Variants in DNAH12 observed in about 807,000 individuals in gnomAD.
DNAH12 encodes the protein axonemal beta dynein heavy chain 12.
DNAH12 carries 285 observed loss-of-function variants against 371.5 expected under a neutral mutation model. The observed-to-expected ratio is 0.77, with a 90% CI of 0.70 to 0.85. The LOEUF is 0.85. Among genes scored for constraint, DNAH12 ranks in the 40% least tolerant of loss-of-function variants. DNAH12 has a pLI of 0.00. For synonymous variants in DNAH12, 1,200 were observed against 1,213.0 expected, an observed-to-expected ratio of 0.99 and a Z score of 0.22; for missense variants, 3,611 against 3,689.4, an observed-to-expected ratio of 0.98 and a Z score of 0.55.
intron 62 of DNAH12, among the ~76,000 whole-genome samples, chr3:57,326,895 G>C (rs1159617274): frequency 4.6e-5 from 7 of 152,114 alleles, no homozygotes; most frequent in Non-Finnish European, 8.8e-5. Context: ...ACAAAAAAAG[G>C]CAGGGGTTCC....
intron 2 of DNAH12, among the ~76,000 whole-genome samples, chr3:57,530,075 T>G (rs1235545896): frequency 1.3e-5 from 2 of 152,110 alleles, no homozygotes; most frequent in Admixed American, 1.3e-4. Flanking sequence ...TTTCTAGTTT[T>G]ATTCCATTGT....
intron 2 of DNAH12, among the ~76,000 whole-genome samples, chr3:57,527,969 G>T (rs1227451175): frequency 6.6e-6 from 1 of 152,120 alleles, no homozygotes; most frequent in Admixed American, 6.6e-5. Context: ...ATATTCTGGA[G>T]AGTTTCACCC....
At position 57,446,072 on chromosome 3, in the gene DNAH12, G is replaced by C. The variant is rs2065484856; in HGVS notation, c.4138C>G (p.Pro1380Ala). 1.3e-6 allele frequency: 2 copies of C among 1,551,636 alleles called. No homozygotes were observed. The change falls in exon 27 of 74, where the codon CCT becomes GCT. Residue 1380 changes from proline to alanine, a missense_variant. Pro to Ala is a conservative substitution (Grantham distance 27). Around this residue, in one of 3 missense-constraint regions of DNAH12, gnomAD observed 2,266 missense variants for 2,236.9 expected, o/e 1.01. Coordinates refer to ENST00000495027, the MANE Select transcript of DNAH12 (RefSeq NM_001366028.2). ...AATTCAGAGCGTCCTGCATAGCCAGGATTCATGGTAATAGCTACAAAACAA... is the reference window on the plus strand; with the variant it reads ...AATTCAGAGCGTCCTGCATAGCCAGCATTCATGGTAATAGCTACAAAACAA... ...PNCFVAITMN[P>A]GYAGRSELPD...
intron 29 of DNAH12, among the ~76,000 whole-genome samples, chr3:57,440,120 A>T (rs1227625249): frequency 6.6e-6 from 1 of 152,182 alleles, no homozygotes; most frequent in Admixed American, 6.5e-5. Flanking sequence ...CAGTTTAGAG[A>T]TTTCTCAAAA....
At chr3:57,412,250 T>TA (rs375025732) in intron 39 of DNAH12, among the ~76,000 whole-genome samples, 160 of 152,208 alleles carry the variant, frequency 1.1e-3, no homozygotes, top group African/African-American at 3.7e-3. Flanking sequence ...CAACTGGACA[T>TA]ACACGTGTAA....
chr3:57,350,940 T>C (rs1200114485), intron 60 of DNAH12, among the ~76,000 whole-genome samples: 3 of 152,124 alleles, frequency 2.0e-5, no homozygotes, highest in African/African-American at 7.2e-5. Flanking sequence ...ATAATATGTA[T>C]CACATACCAA....
rs370406326 is a variant in DNAH12, at chr3:57,446,112, A to C, written c.4098T>G (p.Leu1366=). The C allele has an allele frequency of 2.6e-6, 4 of 1,551,602 alleles. No individual in the cohort carries two copies. The African/African-American group carries it at 5.5e-5, about 21-fold the overall frequency. The change falls in exon 27 of 74, where the codon CTT becomes CTG. Residue 1366 remains leucine, a synonymous_variant. Transcript: ENST00000495027. ...LVVFVFEGTE[L]KLNPNCFVAI... is the part of the protein sequence containing the mutation. ...CTACAAAACAATTCGGATTGAGCTTAAGTTCTGTCCCTTCAAAAACAAACA... is the reference window on the plus strand; with the variant it reads ...CTACAAAACAATTCGGATTGAGCTTCAGTTCTGTCCCTTCAAAAACAAACA...
chr3:57,421,029 T>C (rs575879688), intron 36 of DNAH12, among the ~76,000 whole-genome samples: 173 of 152,170 alleles, frequency 1.1e-3, no homozygotes, highest in African/African-American at 3.8e-3. Flanking sequence ...TGAAACTCTC[T>C]TTCTGGCCAG....
At chr3:57,444,885 TCCCAGCCC>T (rs2065430208) in intron 28 of DNAH12, 69 bp from the exon 29 acceptor site, 58 of 1,233,028 alleles carry the variant, frequency 4.7e-5, no homozygotes, top group Non-Finnish European at 5.8e-5. Flanking sequence ...CTCCCTCCCC[TCCCAGCCC>T]CGGCCTGCCC....
intron 36 of DNAH12, among the ~76,000 whole-genome samples, chr3:57,420,692 G>A (rs544305907): frequency 1.3e-5 from 2 of 151,852 alleles, no homozygotes; most frequent in Non-Finnish European, 2.9e-5. Flanking sequence ...GGTGGATCAC[G>A]AGGTCAGGAG....
At chr3:57,344,709 T>C (rs906672815) in intron 60 of DNAH12, among the ~76,000 whole-genome samples, 1 of 152,196 alleles carries the variant, frequency 6.6e-6, no homozygotes, top group Non-Finnish European at 1.5e-5. Flanking sequence ...AAACACCACA[T>C]GTTCTCACTT....
intron 65 of DNAH12, among the ~76,000 whole-genome samples, chr3:57,317,954 T>TG (rs2061722881): frequency 6.6e-6 from 1 of 152,198 alleles, no homozygotes; most frequent in Admixed American, 6.5e-5. Flanking sequence ...GTTGGCCATT[T>TG]GTATGTCTTC....
chr3:57,519,646 A>G (rs2068335064), intron 4 of DNAH12: 1 of 1,362,032 alleles, frequency 7.3e-7, no homozygotes, highest in African/African-American at 1.4e-5. Flanking sequence ...GAACAACTGC[A>G]CTAAGAAGCC....
chr3:57,473,274 G>T (rs1175974972), intron 13 of DNAH12, among the ~76,000 whole-genome samples: 1 of 152,074 alleles, frequency 6.6e-6, no homozygotes, highest in Non-Finnish European at 1.5e-5. Context: ...ATCACCTGAG[G>T]TCAGGAGTTA....
chr3:57,413,280 G>C (rs1221365128), intron 39 of DNAH12, among the ~76,000 whole-genome samples: 3 of 152,172 alleles, frequency 2.0e-5, no homozygotes, highest in African/African-American at 7.2e-5. Flanking sequence ...TCTTACAAAG[G>C]GGCTGAAGTT....
chr3:57,307,601 A>G (rs1447115368), intron 69 of DNAH12, among the ~76,000 whole-genome samples: 1 of 152,174 alleles, frequency 6.6e-6, no homozygotes, highest in Non-Finnish European at 1.5e-5. Flanking sequence ...TATAGTTCTC[A>G]TAATTTCCAA....
chr3:57,359,508 G>A (rs998402521), intron 58 of DNAH12, among the ~76,000 whole-genome samples: 8 of 140,382 alleles, frequency 5.7e-5, no homozygotes, highest in Admixed American at 3.1e-4. Flanking sequence ...GCTGTGAGCC[G>A]AGATTGCGCC....
chr3:57,493,906 T>C (rs1325228356), intron 11 of DNAH12: 1 of 152,146 alleles, frequency 6.6e-6, no homozygotes, highest in Non-Finnish European at 1.5e-5. Flanking sequence ...CAACTAATAT[T>C]ATACTTAATG....
intron 65 of DNAH12, among the ~76,000 whole-genome samples, chr3:57,315,264 A>G (rs2061661920): frequency 6.6e-6 from 1 of 151,890 alleles, no homozygotes; most frequent in Non-Finnish European, 1.5e-5. Flanking sequence ...TATTTCAAAC[A>G]TAGCTCCAAA....
Sources: gnomAD v4.1 joint callset for allele counts (sites outside exome capture counted in the v4.1 genomes callset) on GRCh38, gnomAD v4.1.1 for gene constraint, gnomAD v4.1.1 regional missense constraint, MANE v1.5 for transcripts, NCBI Gene and HGNC (gene_info 2026-07-23, HGNC 2026-07-21) for gene names.